The following PDE6A variants were observed in gnomAD, a reference collection of about 807,000 sequenced individuals.
The protein encoded by PDE6A is rod cGMP-specific 3',5'-cyclic phosphodiesterase subunit alpha.
Under a neutral mutation model 106.3 loss-of-function variants are expected in PDE6A, and 84 were observed. The observed-to-expected ratio is 0.79, with a 90% CI of 0.66 to 0.95. The LOEUF (loss-of-function observed/expected upper bound fraction) is 0.95. Ranked by LOEUF, PDE6A falls within the 40% of genes least tolerant of loss-of-function variation. The pLI is 0.00. For synonymous variants in PDE6A, 394 were observed against 386.6 expected (o/e 1.02, Z -0.23); for missense variants, 1,052 against 1,084.9 (o/e 0.97, Z 0.43).
intron 20 of PDE6A, among the ~76,000 whole-genome samples, chr5:149,865,495 T>A (rs149740108): frequency 1.3e-5 from 2 of 152,248 alleles, no homozygotes; most frequent in East Asian, 3.9e-4. Context: ...CATCAGCCAC[T>A]GTGTCCCGTG....
chr5:149,907,552 G>A (rs1275128229), intron 6 of PDE6A, among the ~76,000 whole-genome samples, 174 bp from the exon 7 acceptor site: 7 of 152,130 alleles, frequency 4.6e-5, no homozygotes, highest in African/African-American at 1.7e-4. Flanking sequence ...TTCAAATCTA[G>A]ACATGGAGAA....
At chr5:149,866,693 G>C (rs769682097) in intron 19 of PDE6A, 2 of 187,594 alleles carry the variant, frequency 1.1e-5, no homozygotes, top group African/African-American at 2.4e-5. Flanking sequence ...TATGACTTTT[G>C]TGAGTGTGTT....
intron 5 of PDE6A, 64 bp from the exon 6 acceptor site, chr5:149,915,071 G>C: frequency 1.0e-6 from 1 of 974,374 alleles, no homozygotes; most frequent in Non-Finnish European, 1.4e-6. Context: ...GTTTCACTTT[G>C]TCGCCCAGGC....
chr5:149,939,284 C>T (rs982693271), intron 1 of PDE6A, among the ~76,000 whole-genome samples: 10 of 152,076 alleles, frequency 6.6e-5, no homozygotes, highest in Admixed American at 2.0e-4. Context: ...AGCAACAGGC[C>T]GTCCCTTAGC....
chr5:149,943,495 T>C (rs1397150580), intron 1 of PDE6A, among the ~76,000 whole-genome samples: 2 of 152,172 alleles, frequency 1.3e-5, no homozygotes, highest in Admixed American at 1.3e-4. Flanking sequence ...AATTTTAAAA[T>C]TTTTTGTAGA....
chr5:149,873,667 A>G (rs969993068), intron 17 of PDE6A, among the ~76,000 whole-genome samples: 2 of 152,128 alleles, frequency 1.3e-5, no homozygotes, highest in African/African-American at 4.8e-5. Context: ...TCCCCCAACC[A>G]TTTAGAAATG....
intron 5 of PDE6A, among the ~76,000 whole-genome samples, chr5:149,916,321 G>A (rs561225766): frequency 3.3e-5 from 5 of 152,228 alleles, no homozygotes; most frequent in African/African-American, 4.8e-5. Context: ...AGATAAAGAC[G>A]GCTGCCAGAA....
At chr5:149,920,946 G>A (rs1581201217) in intron 5 of PDE6A, among the ~76,000 whole-genome samples, 1 of 104,364 alleles carries the variant, frequency 9.6e-6, no homozygotes, top group African/African-American at 6.1e-5. Flanking sequence ...GAGAGAAAAA[G>A]AAAGAAAGAA....
rs1406359728 is a variant in PDE6A at position 149,859,502 on chromosome 5, G to A, written c.*1393C>T. On this transcript the variant is annotated 3_prime_UTR_variant, in exon 22 of 22. Transcript: ENST00000255266. ...GGAAGGAAATAGGAGTGGGCAGAGG[G>A]AGAAGTCGAGTTGGGATGTGAGCCC... 2 of 152,474 alleles carry A rather than the reference G, an allele frequency of 1.3e-5. No homozygotes were observed. The highest frequency in any genetic ancestry group is 4.8e-5 in the African/African-American group (2 of 41,580). The allele number at this position is 152,474 out of a possible 1,614,324, so 9.4% of individuals were successfully genotyped here.
At chr5:149,936,393 T>C (rs993703835) in intron 1 of PDE6A, among the ~76,000 whole-genome samples, 5 of 152,186 alleles carry the variant, frequency 3.3e-5, no homozygotes, top group African/African-American at 1.2e-4. Context: ...AAGGCATTAG[T>C]CAAGAAGTGG....
chr5:149,920,012 A>T (rs1753656662), intron 5 of PDE6A, among the ~76,000 whole-genome samples: 1 of 152,112 alleles, frequency 6.6e-6, no homozygotes, highest in African/African-American at 2.4e-5. Flanking sequence ...GAGGGATGTT[A>T]GAAGGCAGAG....
intron 4 of PDE6A, among the ~76,000 whole-genome samples, chr5:149,925,908 T>C (rs772420641): frequency 1.3e-5 from 2 of 151,992 alleles, no homozygotes; most frequent in Non-Finnish European, 2.9e-5. Context: ...ATAAACATAC[T>C]GAAATTAAGA....
intron 6 of PDE6A, among the ~76,000 whole-genome samples, chr5:149,912,949 C>T (rs1478486689): frequency 6.6e-6 from 1 of 151,986 alleles, no homozygotes; most frequent in Admixed American, 6.6e-5. Context: ...AAATTGCGAC[C>T]TGTGACCATT....
intron 13 of PDE6A, 73 bp downstream of exon 13, chr5:149,895,110 C>A: frequency 1.1e-6 from 1 of 870,508 alleles, no homozygotes; most frequent in African/African-American, 1.6e-5. Context: ...GCTGTTGCTA[C>A]CATGTAGAGT....
intron 4 of PDE6A, among the ~76,000 whole-genome samples, chr5:149,923,508 CATA>C (rs1753782807): frequency 6.0e-3 from 1 of 168 alleles, no homozygotes; most frequent in East Asian, 0.17. Flanking sequence ...AAATAAATAA[CATA>C]ACATAACATA....
intron 4 of PDE6A, among the ~76,000 whole-genome samples, chr5:149,928,345 C>T (rs1001359217): frequency 1.3e-5 from 2 of 148,732 alleles, no homozygotes; most frequent in Non-Finnish European, 3.0e-5. Flanking sequence ...TCAGGCAATT[C>T]TCCTGCCTCA....
At chr5:149,906,039 G>A (rs1337807850) in intron 7 of PDE6A, among the ~76,000 whole-genome samples, 1 of 151,698 alleles carries the variant, frequency 6.6e-6, no homozygotes, top group African/African-American at 2.4e-5. Flanking sequence ...TAAATTTTTT[G>A]TAGAGACGGA....
At chr5:149,907,658 A>G (rs747415844) in intron 6 of PDE6A, among the ~76,000 whole-genome samples, 11 of 152,202 alleles carry the variant, frequency 7.2e-5, no homozygotes, top group Admixed American at 2.0e-4. Flanking sequence ...CCTGCTGCTG[A>G]GCAGAAACAA....
rs137886002 is a variant in PDE6A at position 149,859,764 on chromosome 5, G to A, written c.*1131C>T. 6.6e-6 allele frequency: 1 copy of A among 152,426 alleles called. No individual in the cohort carries two copies. Among genetic ancestry groups the A allele is most frequent in the Non-Finnish European group, 1.5e-5 (1 of 68,112 alleles). 9.4% of individuals were successfully genotyped at this position (152,426 alleles called of 1,614,324 possible). ...TTTGCTGAAGCTTGGGGTCTGTGCAGCCCATCAAAGCATAGATCACAGCTG... is the reference window on the plus strand; with the variant it reads ...TTTGCTGAAGCTTGGGGTCTGTGCAACCCATCAAAGCATAGATCACAGCTG... On this transcript the variant is annotated 3_prime_UTR_variant, in exon 22 of 22. Transcript: ENST00000255266.
Sources: allele counts gnomAD v4.1 joint callset (sites outside exome capture counted in the v4.1 genomes callset), GRCh38; gene constraint gnomAD v4.1.1; transcripts MANE v1.5; gene names NCBI Gene and HGNC (gene_info 2026-07-23, HGNC 2026-07-21).